Variants in PTPRG observed in about 807,000 individuals in gnomAD.
The protein encoded by PTPRG is protein tyrosine phosphatase receptor type G.
A neutral mutation model predicts 165.3 loss-of-function variants in PTPRG; 102 were observed. That is an observed-to-expected ratio of 0.62 (90% CI 0.53 to 0.73). The LOEUF is 0.73. Among genes scored for constraint, PTPRG ranks in the 30% least tolerant of loss-of-function variants. The pLI is 0.00. For missense variants in PTPRG, 1,866 were observed against 1,861.4 expected (o/e 1.00, Z -0.05); for synonymous variants, 675 against 669.5 (o/e 1.01, Z -0.13).
chr3:61,868,219 A>G (rs1015408281), intron 2 of PTPRG, among the ~76,000 whole-genome samples: 2 of 152,210 alleles, frequency 1.3e-5, no homozygotes, highest in Non-Finnish European at 2.9e-5. Context: ...AGCTCTATGC[A>G]GTGGACCCTG....
chr3:62,002,548 C>T (rs530552669), intron 3 of PTPRG, among the ~76,000 whole-genome samples: 1 of 152,064 alleles, frequency 6.6e-6, no homozygotes, highest in Non-Finnish European at 1.5e-5. Flanking sequence ...CAGTGTAAAT[C>T]CAAGTTATTC....
chr3:61,738,326 A>ATGTATATATATATGTATATATATATGTG (rs374632240), intron 1 of PTPRG, among the ~76,000 whole-genome samples: 1 of 110,710 alleles, frequency 9.0e-6, no homozygotes, highest in African/African-American at 3.4e-5. Flanking sequence ...ATATATATAT[A>ATGTATATATATATGTATATATATATGTG]TATATATATA....
At chr3:62,242,637 T>C (rs1008443810) in intron 14 of PTPRG, among the ~76,000 whole-genome samples, 1 of 152,206 alleles carries the variant, frequency 6.6e-6, no homozygotes, top group Non-Finnish European at 1.5e-5. Context: ...CAAGGAGATC[T>C]TGTTTTTTAT....
chr3:61,916,504 A>G (rs936008462), intron 2 of PTPRG, among the ~76,000 whole-genome samples: 3 of 152,248 alleles, frequency 2.0e-5, no homozygotes, highest in South Asian at 2.1e-4. Context: ...GAGAAAAAAA[A>G]TCTCACTGTC....
intron 8 of PTPRG, among the ~76,000 whole-genome samples, chr3:62,171,073 G>C (rs1187416847): frequency 2.0e-5 from 3 of 152,286 alleles, no homozygotes; most frequent in Non-Finnish European, 2.9e-5. Flanking sequence ...GTGATTTTAA[G>C]CATCCTCTCT....
At chr3:61,694,065 AG>A (rs968206100) in intron 1 of PTPRG, among the ~76,000 whole-genome samples, 1 of 151,096 alleles carries the variant, frequency 6.6e-6, no homozygotes, top group African/African-American at 2.4e-5. Flanking sequence ...TTTAAAAAGT[AG>A]GTGATGTTAA....
intron 5 of PTPRG, among the ~76,000 whole-genome samples, chr3:62,082,663 T>A (rs1176925719): frequency 6.6e-6 from 1 of 152,110 alleles, no homozygotes; most frequent in Non-Finnish European, 1.5e-5. Context: ...CCCCAGTAAC[T>A]CTGAATGGCA....
In PTPRG at chr3:61,667,587, C is replaced by T. The variant is rs141010740; in HGVS notation, c.86-81291C>T. ...GGCTCTATTAGGCCTGACTCATGCT[C>T]GGCATTTTGTACACGAGGAAACTAA... is the stretch of plus-strand genomic sequence containing the variant. On this transcript the variant is annotated intron_variant, in intron 1 of 29. Transcript: ENST00000474889. Among the ~76,000 whole-genome samples, 1,001 of 152,168 alleles carry T rather than the reference C, an allele frequency of 6.6e-3. 4 individuals carry two copies. Among genetic ancestry groups the T allele is most frequent in the Middle Eastern group, 0.02 (6 of 294 alleles).
At chr3:61,818,617 A>T (rs1161253916) in intron 2 of PTPRG, among the ~76,000 whole-genome samples, 2 of 152,052 alleles carry the variant, frequency 1.3e-5, no homozygotes, top group Admixed American at 1.3e-4. Context: ...TGAGTCATGA[A>T]CGTGGCACTG....
intron 4 of PTPRG, among the ~76,000 whole-genome samples, chr3:62,056,589 G>A (rs570512356): frequency 2.0e-5 from 3 of 152,288 alleles, no homozygotes; most frequent in South Asian, 4.1e-4. Flanking sequence ...GTTATGTCAT[G>A]TGCATTGTAG....
chr3:62,285,385 A>G (rs903709408), intron 28 of PTPRG, among the ~76,000 whole-genome samples: 15 of 152,064 alleles, frequency 9.9e-5, no homozygotes, highest in Admixed American at 7.9e-4. Flanking sequence ...GCAGGAGTCA[A>G]CAGGCTTGGA....
intron 1 of PTPRG, chr3:61,742,424 G>GGT: frequency 2.0e-5 from 7 of 343,440 alleles, no homozygotes; most frequent in African/African-American, 5.9e-5. Context: ...TTTTTTTTTT[G>GGT]AACTGGTAAT....
At chr3:62,037,459 A>G (rs1001721650) in intron 4 of PTPRG, among the ~76,000 whole-genome samples, 1 of 152,180 alleles carries the variant, frequency 6.6e-6, no homozygotes, top group Non-Finnish European at 1.5e-5. Flanking sequence ...AGCAGGTAGC[A>G]GCCCCCTATA....
At chr3:62,033,871 G>A (rs1401866785) in intron 4 of PTPRG, among the ~76,000 whole-genome samples, 1 of 152,118 alleles carries the variant, frequency 6.6e-6, no homozygotes, top group African/African-American at 2.4e-5. Context: ...AGGTTCAAGC[G>A]ATTCTCTTGT....
chr3:61,666,478 G>A (rs1702816513), intron 1 of PTPRG, among the ~76,000 whole-genome samples: 1 of 152,210 alleles, frequency 6.6e-6, no homozygotes, highest in African/African-American at 2.4e-5. Context: ...AGGGGACTTG[G>A]AGCAGGCAGC....
chr3:62,110,392 C>T (rs1302986496), intron 5 of PTPRG, among the ~76,000 whole-genome samples: 2 of 152,102 alleles, frequency 1.3e-5, no homozygotes, highest in Admixed American at 6.5e-5. Context: ...GTTCCATAAT[C>T]AGGTGCTGAA....
intron 2 of PTPRG, among the ~76,000 whole-genome samples, chr3:61,774,047 T>C (rs977363500): frequency 3.9e-5 from 6 of 152,196 alleles, no homozygotes; most frequent in African/African-American, 1.4e-4. Flanking sequence ...AGTGCTAGGA[T>C]AACAGGTGTG....
intron 1 of PTPRG, among the ~76,000 whole-genome samples, chr3:61,583,908 T>C (rs893424229): frequency 6.6e-6 from 1 of 152,184 alleles, no homozygotes; most frequent in African/African-American, 2.4e-5. Context: ...ATTTGGGTCA[T>C]TTTCAATCAA....
chr3:61,995,681 C>CTCCTTCCT (rs1575864176), intron 3 of PTPRG, among the ~76,000 whole-genome samples: 1 of 90,504 alleles, frequency 1.1e-5, no homozygotes, highest in African/African-American at 4.3e-5. Flanking sequence ...CCTGCCCGCC[C>CTCCTTCCT]GCCTTCCTTC....
Sources: allele counts gnomAD v4.1 joint callset (sites outside exome capture counted in the v4.1 genomes callset), GRCh38; gene constraint gnomAD v4.1.1; transcripts MANE v1.5; gene names NCBI Gene and HGNC (gene_info 2026-07-23, HGNC 2026-07-21).